KLRG1: variants seen among roughly 807,000 people sequenced by gnomAD.
The protein encoded by KLRG1 is killer cell lectin like receptor G1, also known as killer cell lectin-like receptor subfamily G member 1.
In KLRG1, 16 loss-of-function variants were observed where a neutral mutation model predicts 21.8. That is an observed-to-expected ratio of 0.73 (90% CI 0.50 to 1.11). The LOEUF (loss-of-function observed/expected upper bound fraction) is 1.11, where lower values mean the gene tolerates loss of function less well. Among genes scored for constraint, KLRG1 ranks in the 50% most tolerant of loss-of-function variants. KLRG1 has a pLI of 0.00. For synonymous variants in KLRG1, 69 were observed against 75.9 expected (o/e 0.91, Z 0.47); for missense variants, 173 against 218.3 (o/e 0.79, Z 1.31).
chr12:9,042,815 A>G, the KLRG1 span, among the ~76,000 whole-genome samples: 2 of 152,192 alleles, frequency 1.3e-5, no homozygotes, highest in African/African-American at 4.8e-5. Flanking sequence ...AATATGGGCA[A>G]TGTCTTATAG....
chr12:9,126,807 G>A, the KLRG1 span, among the ~76,000 whole-genome samples: 1 of 152,180 alleles, frequency 6.6e-6, no homozygotes, highest in Non-Finnish European at 1.5e-5. Context: ...CCACCAGTGA[G>A]GACGCCTTAA....
the KLRG1 span, among the ~76,000 whole-genome samples, chr12:9,031,675 G>A: frequency 6.6e-6 from 1 of 152,228 alleles, no homozygotes; most frequent in African/African-American, 2.4e-5. Context: ...TGCCCAAGGT[G>A]GTCGGGGCAC....
the KLRG1 span, among the ~76,000 whole-genome samples, chr12:9,193,693 C>T: frequency 6.6e-6 from 1 of 152,118 alleles, no homozygotes; most frequent in Non-Finnish European, 1.5e-5. Flanking sequence ...ATCTTTTGAT[C>T]ATCGTCATTA....
At chr12:9,087,617 T>A in the KLRG1 span, among the ~76,000 whole-genome samples, 1 of 152,118 alleles carries the variant, frequency 6.6e-6, no homozygotes. Context: ...TTAATAATAG[T>A]GTATTTTATG....
downstream of KLRG1, among the ~76,000 whole-genome samples, chr12:9,011,256 T>A (rs776384372): frequency 1.3e-5 from 2 of 152,136 alleles, no homozygotes; most frequent in Non-Finnish European, 2.9e-5. Flanking sequence ...TTGTCTCCCT[T>A]AAGGTTGTTA....
chr12:9,101,501 A>G, the KLRG1 span: 6 of 1,613,834 alleles, frequency 3.7e-6, no homozygotes, highest in Non-Finnish European at 4.2e-6. Context: ...CATTCAGAAT[A>G]TAATGTGCCT....
At chr12:9,148,128 T>A in the KLRG1 span, among the ~76,000 whole-genome samples, 3 of 152,206 alleles carry the variant, frequency 2.0e-5, no homozygotes, top group Non-Finnish European at 4.4e-5. Flanking sequence ...GCAGAAAAAA[T>A]TGTGTATATT....
At chr12:9,202,726 T>G in the KLRG1 span, 11 of 1,563,982 alleles carry the variant, frequency 7.0e-6, no homozygotes, top group Non-Finnish European at 9.6e-6. Context: ...AACTGTGCAG[T>G]CTTCTCCCTC....
chr12:9,079,799 A>G, the KLRG1 span: 1 of 1,609,604 alleles, frequency 6.2e-7, no homozygotes, highest in Non-Finnish European at 8.5e-7. Context: ...TTTGCATGGC[A>G]GAGCCTAATA....
At chr12:9,174,895 T>G in the KLRG1 span, among the ~76,000 whole-genome samples, 3 of 152,208 alleles carry the variant, frequency 2.0e-5, no homozygotes, top group Non-Finnish European at 4.4e-5. Flanking sequence ...CCCAAAGTAT[T>G]TTATAGATTC....
chr12:9,104,940 C>T, the KLRG1 span, among the ~76,000 whole-genome samples: 1 of 152,118 alleles, frequency 6.6e-6, no homozygotes, highest in Non-Finnish European at 1.5e-5. Flanking sequence ...TGTGTTTCTC[C>T]AGTTGCCTTA....
chr12:9,167,850 G>A, the KLRG1 span, among the ~76,000 whole-genome samples: 1 of 152,132 alleles, frequency 6.6e-6, no homozygotes, highest in South Asian at 2.1e-4. Flanking sequence ...TTTGTTCTAT[G>A]TAAATCTCAT....
chr12:8,993,918 T>C (rs913178991), intron 2 of KLRG1, among the ~76,000 whole-genome samples: 1 of 152,226 alleles, frequency 6.6e-6, no homozygotes, highest in Admixed American at 6.5e-5. Context: ...TCATGGAGTA[T>C]AATGGCTCAT....
At chr12:9,074,564 G>A in the KLRG1 span, 1 of 1,609,174 alleles carries the variant, frequency 6.2e-7, no homozygotes, top group East Asian at 2.2e-5. Context: ...ACCAACCTGG[G>A]TGGAGGAGAA....
the KLRG1 span, among the ~76,000 whole-genome samples, chr12:9,116,600 T>C: frequency 6.6e-6 from 1 of 152,192 alleles, no homozygotes; most frequent in Non-Finnish European, 1.5e-5. Context: ...CAGACTTCCT[T>C]ACTGCCTTCC....
the KLRG1 span, among the ~76,000 whole-genome samples, chr12:9,179,835 A>G: frequency 6.6e-6 from 1 of 152,378 alleles, no homozygotes; most frequent in East Asian, 1.9e-4. Flanking sequence ...GACATTAATA[A>G]CTGAGGTTAA....
chr12:8,997,151 G>A (rs763656074), intron 3 of KLRG1, among the ~76,000 whole-genome samples: 31 of 152,276 alleles, frequency 2.0e-4, no homozygotes, highest in Middle Eastern at 3.4e-3. Context: ...CTATTGTTGA[G>A]TAAAACCAGC....
At chr12:9,134,789 T>C in the KLRG1 span, among the ~76,000 whole-genome samples, 1 of 152,208 alleles carries the variant, frequency 6.6e-6, no homozygotes, top group Non-Finnish European at 1.5e-5. Flanking sequence ...AAGGCAACTG[T>C]TGGGATCTTC....
chr12:9,192,321 C>T, the KLRG1 span: 1 of 1,480,712 alleles, frequency 6.8e-7, no homozygotes, highest in Admixed American at 1.7e-5. Flanking sequence ...TTCTATTCCC[C>T]ACATGACCCA....
Sources: gnomAD v4.1 joint callset for allele counts (sites outside exome capture counted in the v4.1 genomes callset) on GRCh38, gnomAD v4.1.1 for gene constraint, MANE v1.5 for transcripts, NCBI Gene and HGNC (gene_info 2026-07-23, HGNC 2026-07-21) for gene names.